ERBIN: variants seen among roughly 807,000 people sequenced by gnomAD.
ERBIN encodes erbb2 interacting protein, also known as densin-180-like protein.
ERBIN carries 60 observed loss-of-function variants against 158.4 expected under a neutral mutation model. The ratio of observed to expected loss-of-function variants is 0.38; its 90% CI spans 0.31 to 0.47. The LOEUF (loss-of-function observed/expected upper bound fraction) is 0.47, where lower values mean the gene tolerates loss of function less well. Among genes scored for constraint, ERBIN ranks in the 20% least tolerant of loss-of-function variants. The pLI, the probability that ERBIN is intolerant of heterozygous loss-of-function variation, is 0.99. For missense variants in ERBIN, 1,610 were observed against 1,648.0 expected (o/e 0.98, Z 0.40); for synonymous variants, 594 against 557.2 (o/e 1.07, Z -0.93).
intron 19 of ERBIN, among the ~76,000 whole-genome samples, chr5:66,049,564 C>T (rs1223073589): frequency 6.6e-6 from 1 of 152,102 alleles, no homozygotes; most frequent in African/African-American, 2.4e-5. Context: ...TAAGAAAGAA[C>T]TTAACAACCA....
intron 4 of ERBIN, among the ~76,000 whole-genome samples, chr5:66,000,572 CTG>C (rs1752922147): frequency 6.6e-6 from 1 of 152,146 alleles, no homozygotes; most frequent in African/African-American, 2.4e-5. Flanking sequence ...AAGTACTTAA[CTG>C]TTCTTCCTCA....
intron 1 of ERBIN, among the ~76,000 whole-genome samples, chr5:65,956,081 C>G (rs1353428351): frequency 6.6e-6 from 1 of 152,066 alleles, no homozygotes; most frequent in African/African-American, 2.4e-5. Context: ...ATGTATTCAC[C>G]CCTAATAAGG....
At chr5:66,050,702 A>C in intron 19 of ERBIN, 81 bp from the exon 20 acceptor site, 1 of 849,546 alleles carries the variant, frequency 1.2e-6, no homozygotes, top group African/African-American at 1.8e-5. Flanking sequence ...GGATGGTATA[A>C]TTGCCATTTG....
intron 2 of ERBIN, among the ~76,000 whole-genome samples, chr5:65,991,329 TG>T (rs1309312069): frequency 6.6e-6 from 1 of 152,200 alleles, no homozygotes; most frequent in African/African-American, 2.4e-5. Context: ...CTGAATTTTT[TG>T]ATACCTCCTT....
intron 1 of ERBIN, among the ~76,000 whole-genome samples, chr5:65,977,198 AC>A (rs1156593026): frequency 0.066 from 3,634 of 55,172 alleles, 270 homozygotes; most frequent in African/African-American, 0.23. Flanking sequence ...CGGGGGGCTG[AC>A]CCCCCCCCAC....
chr5:65,986,491 C>T (rs996571239), intron 1 of ERBIN, among the ~76,000 whole-genome samples: 4 of 152,104 alleles, frequency 2.6e-5, no homozygotes, highest in Admixed American at 6.5e-5. Flanking sequence ...TAAACACACA[C>T]GTTAAACACG....
chr5:65,949,066 G>A (rs1746174073), intron 1 of ERBIN, among the ~76,000 whole-genome samples: 1 of 152,002 alleles, frequency 6.6e-6, no homozygotes, highest in African/African-American at 2.4e-5. Context: ...GCCTGGCCAT[G>A]TTTTGCTTCT....
intron 1 of ERBIN, among the ~76,000 whole-genome samples, chr5:65,965,521 C>T (rs1159956271): frequency 6.6e-6 from 1 of 151,228 alleles, no homozygotes; most frequent in Admixed American, 6.6e-5. Flanking sequence ...TCTCCTGTCT[C>T]AGCCTCTCAG....
chr5:66,014,625 C>A, intron 6 of ERBIN, 44 bp from the exon 7 acceptor site: 3 of 903,302 alleles, frequency 3.3e-6, no homozygotes, highest in South Asian at 3.5e-5. Context: ...TTATTAAATT[C>A]ATTGTCTTTG....
intron 1 of ERBIN, among the ~76,000 whole-genome samples, chr5:65,947,457 T>G (rs1745915262): frequency 6.6e-6 from 1 of 152,222 alleles, no homozygotes; most frequent in South Asian, 2.1e-4. Flanking sequence ...CTTCATTGAT[T>G]ATTATTTTTA....
At chr5:65,976,470 C>T (rs1365770272) in intron 1 of ERBIN, among the ~76,000 whole-genome samples, 1 of 150,900 alleles carries the variant, frequency 6.6e-6, no homozygotes, top group Admixed American at 6.6e-5. Context: ...GAGACTGTCT[C>T]ACCCCAAAAA....
At chr5:66,040,347 A>G (rs1328505249) in intron 15 of ERBIN, among the ~76,000 whole-genome samples, 12 of 151,882 alleles carry the variant, frequency 7.9e-5, no homozygotes, top group Non-Finnish European at 1.5e-4. Flanking sequence ...TTTCTATTCT[A>G]TCATTGAAAT....
At chr5:66,031,705 G>C (rs1756898053) in intron 14 of ERBIN, among the ~76,000 whole-genome samples, 1 of 152,148 alleles carries the variant, frequency 6.6e-6, no homozygotes, top group Admixed American at 6.5e-5. Context: ...GGTAGCACAT[G>C]CCTGTAGTCC....
chr5:65,970,489 G>A (rs75212874), intron 1 of ERBIN, among the ~76,000 whole-genome samples: 1,696 of 152,222 alleles, frequency 0.011, 26 homozygotes, highest in African/African-American at 0.038. Context: ...TCTGTATGTA[G>A]AGAGATTCTA....
Position 66,028,270 on chromosome 5 carries a change from A to T in ERBIN, c.1137-4A>T. On this transcript the variant is annotated splice_region_variant and splice_polypyrimidine_tract_variant and intron_variant, in intron 13 of 25. Coordinates refer to ENST00000284037, the MANE Select transcript of ERBIN (RefSeq NM_001253697.2). The stretch of plus-strand genomic sequence containing the variant: ...TAATTTTTGTTTGTATTTTTTTCCT[A>T]CAGATTAAAGAATTTACCCTTTAGC... The T allele has an allele frequency of 6.2e-7, 1 of 1,600,906 alleles. No homozygotes were observed. Among genetic ancestry groups the T allele is most frequent in the Non-Finnish European group, 8.5e-7 (1 of 1,172,810 alleles).
chr5:66,012,883 T>C (rs1754357038), intron 5 of ERBIN, among the ~76,000 whole-genome samples: 1 of 152,252 alleles, frequency 6.6e-6, no homozygotes, highest in African/African-American at 2.4e-5. Context: ...TGTTTTTTCT[T>C]TTCATTTGCT....
At chr5:65,977,969 G>GAGGGAGAGGGAA (rs1306569169) in intron 1 of ERBIN, among the ~76,000 whole-genome samples, 14 of 151,992 alleles carry the variant, frequency 9.2e-5, no homozygotes, top group Admixed American at 3.9e-4. Flanking sequence ...GGGAGAGGGA[G>GAGGGAGAGGGAA]AGGGAGAGGG....
chr5:66,015,317 A>G (rs1220561893), intron 7 of ERBIN, among the ~76,000 whole-genome samples: 3 of 152,232 alleles, frequency 2.0e-5, no homozygotes, highest in South Asian at 2.1e-4. Flanking sequence ...ATGCATTGCT[A>G]TAGTGTTACA....
intron 15 of ERBIN, among the ~76,000 whole-genome samples, chr5:66,041,421 C>T (rs772693695): frequency 7.2e-5 from 11 of 151,884 alleles, no homozygotes; most frequent in African/African-American, 2.7e-4. Context: ...AGGATATTAG[C>T]AGGTCTTAGG....
Sources: gnomAD v4.1 joint callset for allele counts (sites outside exome capture counted in the v4.1 genomes callset) on GRCh38, gnomAD v4.1.1 for gene constraint, MANE v1.5 for transcripts, NCBI Gene and HGNC (gene_info 2026-07-23, HGNC 2026-07-21) for gene names.